Variants in SLC45A2 observed in about 807,000 individuals in gnomAD.
SLC45A2 encodes the protein membrane-associated transporter protein.
A neutral mutation model predicts 45.5 loss-of-function variants in SLC45A2; 36 were observed. That is an observed-to-expected ratio of 0.79 (90% CI 0.61 to 1.04). The LOEUF (loss-of-function observed/expected upper bound fraction) is 1.04, where lower values mean the gene tolerates loss of function less well. Among genes scored for constraint, SLC45A2 ranks in the 50% least tolerant of loss-of-function variants. The pLI, the probability that SLC45A2 is intolerant of heterozygous loss-of-function variation, is 0.00. For missense variants in SLC45A2, 719 were observed against 671.0 expected (o/e 1.07, Z -0.79); for synonymous variants, 306 against 269.3 (o/e 1.14, Z -1.33).
At chr5:33,963,070 G>A (rs1251070213) in intron 3 of SLC45A2, among the ~76,000 whole-genome samples, 2 of 152,212 alleles carry the variant, frequency 1.3e-5, no homozygotes, top group Non-Finnish European at 2.9e-5. Context: ...CTGAAGAAAT[G>A]AAGTTCTAAT....
chr5:33,956,017 G>A (rs564542389), intron 3 of SLC45A2, among the ~76,000 whole-genome samples: 41 of 105,544 alleles, frequency 3.9e-4, no homozygotes, highest in African/African-American at 1.0e-3. Context: ...GAACCAGATG[G>A]TGTTAAGGAT....
At chr5:33,981,691 A>T (rs1335825224) in intron 2 of SLC45A2, among the ~76,000 whole-genome samples, 1 of 152,256 alleles carries the variant, frequency 6.6e-6, no homozygotes, top group African/African-American at 2.4e-5. Context: ...AGGTTGAGGA[A>T]ATGCCAACCT....
intron 2 of SLC45A2, among the ~76,000 whole-genome samples, chr5:33,981,985 A>C (rs1011408661): frequency 1.3e-5 from 2 of 152,204 alleles, no homozygotes; most frequent in African/African-American, 4.8e-5. Context: ...TTTCCATTTC[A>C]GTTGTAATTG....
In SLC45A2 at chr5:33,984,649, CAAACTGGATTT is replaced by C; in HGVS notation, c.-77_-67del. 1 of 1,597,390 alleles carries C rather than the reference CAAACTGGATTT, an allele frequency of 6.3e-7. No individual in the cohort carries two copies. The highest frequency in any genetic ancestry group is 8.5e-7 in the Non-Finnish European group (1 of 1,178,244). ...CTGCGTGGTCCTAGGGTCTGTGTTT[CAAACTGGATTT>C]GACGTGGAGCCTGGCCGAGCAACCA... On this transcript the variant is annotated 5_prime_UTR_variant, in exon 1 of 7. Transcript: ENST00000296589.
chr5:33,947,263 G>T lies in SLC45A2; in HGVS notation c.1268C>A (p.Ser423Tyr), dbSNP rs201560110. 2 of 1,614,192 alleles carry T rather than the reference G, an allele frequency of 1.2e-6. No individual in the cohort carries two copies. Among genetic ancestry groups the T allele is most frequent in the East Asian group, 4.5e-5 (2 of 44,876 alleles). ...GFIGLFPNVY[S>Y]TLVLCSLFGV... Reference sequence around the variant, plus strand: ...AAACAGGCTGCACAGGACCAGGGTGGAGTAGACATTCGGGAAGAGCCCAAT... The same window carrying T: ...AAACAGGCTGCACAGGACCAGGGTGTAGTAGACATTCGGGAAGAGCCCAAT... Residue 423 changes from serine (S) to tyrosine (Y), a missense_variant, in exon 6 of 7, where the codon TCC becomes TAC. Transcript: ENST00000296589.
At chr5:33,971,902 C>T (rs1467965050) in intron 2 of SLC45A2, 6 of 355,966 alleles carry the variant, frequency 1.7e-5, no homozygotes, top group Middle Eastern at 7.8e-4. Flanking sequence ...ACTGGGATTA[C>T]AGGTGAGAGC....
At position 33,966,542 on chromosome 5, in the gene SLC45A2, G is replaced by A. The variant is rs368117338; in HGVS notation, c.563-2526C>T. Among the ~76,000 whole-genome samples, 569 of 146,646 alleles carry A rather than the reference G, an allele frequency of 3.9e-3. 6 individuals are homozygous for A. Among genetic ancestry groups the A allele is most frequent in the African/African-American group, 0.013 (532 of 39,514 alleles). On this transcript the variant is annotated intron_variant, in intron 2 of 6. Transcript: ENST00000296589. ...TGCAAGCTCCGCTTCCCGGGTTCAC[G>A]CCATTCTCCTGCCTCAGCCTCCCAA...
At chr5:33,964,329 T>C (rs1020582507) in intron 2 of SLC45A2, among the ~76,000 whole-genome samples, 3 of 152,184 alleles carry the variant, frequency 2.0e-5, no homozygotes, top group Admixed American at 6.5e-5. Context: ...GCCAGACACA[T>C]AGCAAGGGCT....
rs577730099 is a variant in SLC45A2 at position 33,955,763 on chromosome 5, C to T, written c.889-1259G>A. Among the ~76,000 whole-genome samples, 15 of 152,164 alleles carry T rather than the reference C, an allele frequency of 9.9e-5. No individual in the cohort carries two copies. In the East Asian group the frequency reaches 2.9e-3, roughly 29 times the overall value. On this transcript the variant is annotated intron_variant, in intron 3 of 6. Transcript: ENST00000296589. ...TTTTTTGAAGCAATATAAACTCATA[C>T]TAACTTGTTATAGCATGTCTGAAGA...
chr5:33,971,451 T>G (rs1371913414), intron 2 of SLC45A2: 6 of 420,444 alleles, frequency 1.4e-5, no homozygotes, highest in Admixed American at 5.8e-5. Context: ...TTTTTTTTGT[T>G]TTTTGGAGAC....
chr5:33,966,758 G>T (rs1752617004), intron 2 of SLC45A2, among the ~76,000 whole-genome samples: 1 of 152,196 alleles, frequency 6.6e-6, no homozygotes, highest in Admixed American at 6.5e-5. Context: ...CATTAGCAAT[G>T]AAAGTTATAA....
chr5:33,956,103 G>C (rs1752268654), intron 3 of SLC45A2, among the ~76,000 whole-genome samples: 1 of 152,090 alleles, frequency 6.6e-6, no homozygotes, highest in African/African-American at 2.4e-5. Context: ...TAATTGAAGA[G>C]GACTGACAAT....
At chr5:33,969,927 T>C (rs540483234) in intron 2 of SLC45A2, among the ~76,000 whole-genome samples, 3 of 152,384 alleles carry the variant, frequency 2.0e-5, no homozygotes, top group African/African-American at 4.8e-5. Flanking sequence ...GAGCCATTTA[T>C]GGCTGTCTTG....
At position 33,963,965 on chromosome 5, in the gene SLC45A2, A is replaced by T; in HGVS notation, c.614T>A (p.Leu205Gln). The change falls in exon 3 of 7, where the codon CTG becomes CAG. Residue 205 changes from leucine to glutamine, a missense_variant. Transcript: ENST00000296589. The part of the protein sequence containing the change: ...YLLGAIDWAH[L>Q]ELGRLLGTEF... Reference sequence around the variant, plus strand: ...TGTACCCAACAGTCTTCCCAGCTCCAGATGGGCCCAGTCTATAGCACCCAA... The same window carrying T: ...TGTACCCAACAGTCTTCCCAGCTCCTGATGGGCCCAGTCTATAGCACCCAA... 1 of 1,614,170 alleles carries T rather than the reference A, an allele frequency of 6.2e-7. No individual in the cohort carries two copies. Among genetic ancestry groups the T allele is most frequent in the Non-Finnish European group, 8.5e-7 (1 of 1,179,992 alleles).
At chr5:33,954,575 C>T (rs2111928467) in intron 3 of SLC45A2, 71 bp from the exon 4 acceptor site, 4 of 1,596,060 alleles carry the variant, frequency 2.5e-6, no homozygotes, top group Admixed American at 3.4e-5. Context: ...AGCCAGAACA[C>T]ACAGACATGT....
At position 33,950,370 on chromosome 5, in the gene SLC45A2, A is replaced by G. The variant is rs114171177; in HGVS notation, c.1156+1184T>C. 6.4e-3 allele frequency among the ~76,000 whole-genome samples: 971 copies of G among 152,290 alleles called. 10 individuals are homozygous for G. The highest frequency in any genetic ancestry group is 0.023 in the African/African-American group (943 of 41,550). ...ATTTTTTCTTAGTTTGCACACTCGA[A>G]GAGGAAGAAAAGAGTTTGCTAAATA... On this transcript the variant is annotated intron_variant, in intron 5 of 6. Coordinates refer to ENST00000296589, the MANE Select transcript of SLC45A2 (RefSeq NM_016180.5).
chr5:33,963,720 C>T lies in SLC45A2; in HGVS notation c.859G>A (p.Gly287Arg). Residue 287 changes from glycine to arginine, a missense_variant, in exon 3 of 7, where the codon GGA becomes AGA. Coordinates refer to ENST00000296589, the MANE Select transcript of SLC45A2 (RefSeq NM_016180.5). ...TCAGCATGATTTTTGTTTTTTGCTCCCTGCATTGCCAGCTCTGGATTTACG... is the reference window on the plus strand; with the variant it reads ...TCAGCATGATTTTTGTTTTTTGCTCTCTGCATTGCCAGCTCTGGATTTACG... ...GYVNPELAMQ[G>R]AKNKNHAEQT... 1 of 1,613,892 alleles carries T rather than the reference C, an allele frequency of 6.2e-7. No individual in the cohort carries two copies. Among genetic ancestry groups the T allele is most frequent in the Non-Finnish European group, 8.5e-7 (1 of 1,179,956 alleles).
At chr5:33,955,393 T>A (rs1298369693) in intron 3 of SLC45A2, among the ~76,000 whole-genome samples, 1 of 152,202 alleles carries the variant, frequency 6.6e-6, no homozygotes. Context: ...GAAAACCTAG[T>A]GCAGCTTACC....
At chr5:33,953,957 CAAAG>C (rs904067608) in intron 4 of SLC45A2, among the ~76,000 whole-genome samples, 2 of 135,066 alleles carry the variant, frequency 1.5e-5, no homozygotes, top group African/African-American at 5.6e-5. Flanking sequence ...TCAAAAGAGA[CAAAG>C]AAGGCCATTA....
Sources: allele counts gnomAD v4.1 joint callset (sites outside exome capture counted in the v4.1 genomes callset), GRCh38; gene constraint gnomAD v4.1.1; transcripts MANE v1.5; gene names NCBI Gene and HGNC (gene_info 2026-07-23, HGNC 2026-07-21).